DDX27: variants seen among roughly 807,000 people sequenced by gnomAD.
DDX27 encodes probable ATP-dependent RNA helicase DDX27.
A neutral mutation model predicts 99.3 loss-of-function variants in DDX27; 42 were observed. That is an observed-to-expected ratio of 0.42 (90% CI 0.33 to 0.55). The LOEUF is 0.55. Ranked by LOEUF, DDX27 falls within the 20% of genes least tolerant of loss-of-function variation. The probability of loss-of-function intolerance (pLI) is 0.07; values close to 1 mark genes in which losing one functional copy is unlikely to be tolerated. For missense variants in DDX27, 798 were observed against 976.8 expected (o/e 0.82, Z 2.44); for synonymous variants, 329 against 353.8 (o/e 0.93, Z 0.79).
intron 16 of DDX27, among the ~76,000 whole-genome samples, chr20:49,240,943 A>G (rs1980457667): frequency 6.6e-6 from 1 of 152,098 alleles, no homozygotes. Context: ...GAGCCTGGGG[A>G]GGTCAAGGTT....
chr20:49,233,650 G>T lies in DDX27; in HGVS notation c.1214G>T (p.Arg405Leu), dbSNP rs139332489. ...NSNTDVAPFL[R>L]QEFIRIRPNR... ...AACACAGATGTGGCTCCCTTCCTGC[G>T]GCAGGAGTTCATCCGGATCCGGCCT... Residue 405 changes from arginine (R) to leucine (L), a missense_variant, in exon 11 of 21, where the codon CGG becomes CTG. Transcript: ENST00000618172. The T allele has an allele frequency of 1.9e-6, 3 of 1,613,866 alleles. No individual in the cohort carries two copies. The highest frequency in any genetic ancestry group is 2.5e-6 in the Non-Finnish European group (3 of 1,179,978).
intron 9 of DDX27, among the ~76,000 whole-genome samples, chr20:49,231,525 A>G (rs1286616330): frequency 6.6e-6 from 1 of 152,244 alleles, no homozygotes; most frequent in Admixed American, 6.5e-5. Flanking sequence ...GATTTAGATC[A>G]GGAGACAGCT....
intron 8 of DDX27, 29 bp from the exon 9 acceptor site, chr20:49,230,170 C>T (rs201597376): frequency 2.4e-5 from 38 of 1,589,490 alleles, no homozygotes; most frequent in Admixed American, 6.8e-5. Flanking sequence ...CTGACCTGGC[C>T]GCCTGGTGGG....
intron 6 of DDX27, among the ~76,000 whole-genome samples, chr20:49,225,968 C>G (rs567280748): frequency 6.6e-6 from 1 of 152,154 alleles, no homozygotes; most frequent in Non-Finnish European, 1.5e-5. Context: ...GTTAGGCCTC[C>G]TCTTCCTCAG....
At chr20:49,226,347 A>C in intron 6 of DDX27, 83 bp from the exon 7 acceptor site, 1 of 987,542 alleles carries the variant, frequency 1.0e-6, no homozygotes. Flanking sequence ...TGTGGTCCCC[A>C]CTTGTCTGGA....
chr20:49,221,569 G>T lies in DDX27; in HGVS notation c.211G>T (p.Ala71Ser). ...GACGTACGATGGCAGCTGGGCCCTGGCTGATGTCATGAGCCAACTCAAGAA... is the reference window on the plus strand; with the variant it reads ...GACGTACGATGGCAGCTGGGCCCTGTCTGATGTCATGAGCCAACTCAAGAA... ...EGTYDGSWAL[A>S]DVMSQLKKKR... The change falls in exon 2 of 21, where the codon GCT (alanine) becomes TCT (serine). Residue 71 changes from alanine to serine, a missense_variant. By Grantham distance (99) the Ala-to-Ser change is moderately conservative (BLOSUM62 1). Transcript: ENST00000618172. 1 of 1,609,838 alleles carries T rather than the reference G, an allele frequency of 6.2e-7. No homozygotes were observed. Among genetic ancestry groups the T allele is most frequent in the Middle Eastern group, 1.7e-4 (1 of 5,880 alleles).
intron 9 of DDX27, chr20:49,232,924 CAAAAAA>C: frequency 1.7e-5 from 2 of 116,696 alleles, no homozygotes; most frequent in Non-Finnish European, 1.6e-5. Flanking sequence ...AACTCCATCT[CAAAAAA>C]AAAAAAAAAA....
chr20:49,225,086 C>A (rs779527481), intron 5 of DDX27, 27 bp from the exon 6 acceptor site: 2 of 1,612,056 alleles, frequency 1.2e-6, no homozygotes, highest in Non-Finnish European at 1.7e-6. Context: ...GTTGAATTCT[C>A]TTCTCTCTTT....
chr20:49,243,509 C>A, intron 19 of DDX27, 120 bp from the exon 20 acceptor site: 1 of 852,222 alleles, frequency 1.2e-6, no homozygotes, highest in Non-Finnish European at 1.9e-6. Context: ...AACTTAGGGC[C>A]TGAAAATGAT....
intron 18 of DDX27, 140 bp from the exon 19 acceptor site, chr20:49,242,451 TGGA>T: frequency 9.8e-7 from 1 of 1,021,760 alleles, no homozygotes; most frequent in Non-Finnish European, 1.5e-6. Flanking sequence ...AGCTGCTACT[TGGA>T]GGAGCTGGTG....
At position 49,239,357 on chromosome 20, in the gene DDX27, G is replaced by A. The variant is rs753067205; in HGVS notation, c.1897+19G>A. The A allele has an allele frequency of 8.9e-6, 14 of 1,573,620 alleles. No homozygotes were observed. In the East Asian group the frequency reaches 1.6e-4, roughly 18 times the overall value. On this transcript the variant is annotated intron_variant, in intron 16 of 20. Coordinates refer to ENST00000618172, the MANE Select transcript of DDX27 (RefSeq NM_017895.8). ...GAGAAAAGTAAGTCAGGGAGGTTCC[G>A]CAGAAATCTAAATACAGAATTACCC... is the stretch of plus-strand genomic sequence containing the variant.
Position 49,228,877 on chromosome 20 carries a change from G to T in DDX27, c.869G>T (p.Cys290Phe). The change falls in exon 8 of 21, where the codon TGC becomes TTC. Residue 290 changes from cysteine (C) to phenylalanine (F), a missense_variant. Transcript: ENST00000618172. The stretch of plus-strand genomic sequence containing the variant: ...GCCCAGTTCTGCAACATCACCACCT[G>T]CCTGGCTGTGGGTGAGTTTCTGGCC... Reference protein sequence around the residue: ...QLAQFCNITTCLAVGGLDVKS... With the variant: ...QLAQFCNITTFLAVGGLDVKS... 1 of 1,593,018 alleles carries T rather than the reference G, an allele frequency of 6.3e-7. No individual in the cohort carries two copies. Among genetic ancestry groups the T allele is most frequent in the Non-Finnish European group, 8.6e-7 (1 of 1,165,126 alleles).
At chr20:49,242,488 G>A (rs1009473541) in intron 18 of DDX27, 106 bp from the exon 19 acceptor site, 1 of 1,183,878 alleles carries the variant, frequency 8.4e-7, no homozygotes, top group South Asian at 1.4e-5. Flanking sequence ...AATAGTCTTT[G>A]GATGCCAGAG....
chr20:49,226,557 G>A (rs1034929734), intron 7 of DDX27, 22 bp downstream of exon 7: 2 of 1,600,260 alleles, frequency 1.2e-6, no homozygotes, highest in African/African-American at 1.3e-5. Context: ...AGGGACCCAG[G>A]GTGGGCAGAA....
At chr20:49,234,018 G>A (rs879926143) in intron 11 of DDX27, 5 of 309,790 alleles carry the variant, frequency 1.6e-5, no homozygotes, top group South Asian at 7.8e-5. Flanking sequence ...CCTCTTGCTC[G>A]AGCTCCCTGC....
chr20:49,222,506 A>G (rs998330180), intron 2 of DDX27, among the ~76,000 whole-genome samples: 1 of 151,404 alleles, frequency 6.6e-6, no homozygotes, highest in African/African-American at 2.4e-5. Flanking sequence ...GATCGTCTGG[A>G]GAGGATTAAA....
rs758766520 is a variant in DDX27, at chr20:49,236,190, G to A, written c.1468G>A (p.Asp490Asn). ...ACAGATTGACATCCTCGTGGCCACT[G>A]ATGTGGCAGCCCGTGGACTTGACAT... ...DEQIDILVATDVAARGLDIEG... is the reference protein window; with the variant it reads ...DEQIDILVATNVAARGLDIEG... Residue 490 changes from aspartate (D) to asparagine (N), a missense_variant, in exon 13 of 21, where the codon GAT becomes AAT. Around this residue, in one of 2 missense-constraint regions of DDX27, gnomAD observed 553 missense variants for 727.9 expected, o/e 0.76. Transcript: ENST00000618172. This position sits in a 1 kb window ranked among gnomAD's most constrained non-coding sequence, Gnocchi z 4.1. 1.2e-5 allele frequency: 20 copies of A among 1,612,642 alleles called. No homozygotes were observed. Among genetic ancestry groups the A allele is most frequent in the Non-Finnish European group, 1.7e-5 (20 of 1,179,372 alleles).
rs1163160537 is a variant in DDX27, at chr20:49,226,440, C to T, written c.611C>T (p.Ala204Val). ...TTCTTTTTTCCTCAGGCCATTACAG[C>T]CATGGGCTTCAAGCAGCCCACCCCG... is the stretch of plus-strand genomic sequence containing the variant. ...LSRPLLKAIT[A>V]MGFKQPTPIQ... Residue 204 changes from alanine (A) to valine (V), a missense_variant, in exon 7 of 21, where the codon GCC (alanine) becomes GTC (valine). Physicochemically the swap from Ala to Val is moderately conservative, Grantham distance 64 (BLOSUM62 0). Transcript: ENST00000618172. 1.2e-6 allele frequency: 2 copies of T among 1,613,640 alleles called. No homozygotes were observed. The highest frequency in any genetic ancestry group is 8.5e-7 in the Non-Finnish European group (1 of 1,179,724).
chr20:49,222,179 C>T (rs1979712391), intron 2 of DDX27, among the ~76,000 whole-genome samples: 1 of 151,950 alleles, frequency 6.6e-6, no homozygotes, highest in Non-Finnish European at 1.5e-5. Context: ...ATTGCTTAGG[C>T]TGGAGTGTAA....
Sources: gnomAD v4.1 joint callset for allele counts (sites outside exome capture counted in the v4.1 genomes callset) on GRCh38, gnomAD v4.1.1 for gene constraint, gnomAD v4.1.1 regional missense constraint, Gnocchi (gnomAD v3.1) non-coding constraint, MANE v1.5 for transcripts, NCBI Gene and HGNC (gene_info 2026-07-23, HGNC 2026-07-21) for gene names.